The following ARMC8 variants were observed in gnomAD, a reference collection of about 807,000 sequenced individuals.
ARMC8 encodes armadillo repeat-containing protein 8.
A neutral mutation model predicts 99.3 loss-of-function variants in ARMC8; 20 were observed. That is an observed-to-expected ratio of 0.20 (90% CI 0.14 to 0.29). The LOEUF (loss-of-function observed/expected upper bound fraction) is 0.29, where lower values mean the gene tolerates loss of function less well. Among genes scored for constraint, ARMC8 ranks in the 10% least tolerant of loss-of-function variants. The pLI is 1.00. For missense variants in ARMC8, 569 were observed against 809.5 expected (o/e 0.70, Z 3.60); for synonymous variants, 263 against 278.3 (o/e 0.95, Z 0.55).
At chr3:138,241,181 C>G (rs757392646) in intron 10 of ARMC8, among the ~76,000 whole-genome samples, 1 of 152,204 alleles carries the variant, frequency 6.6e-6, no homozygotes, top group East Asian at 1.9e-4. Context: ...GATACCACTG[C>G]TAATTCCAGC....
intron 16 of ARMC8, among the ~76,000 whole-genome samples, chr3:138,272,746 G>A (rs944070515): frequency 3.9e-5 from 6 of 152,144 alleles, no homozygotes; most frequent in African/African-American, 1.2e-4. Flanking sequence ...GTGGTGGCTC[G>A]CGCCTGTACT....
chr3:138,228,516 A>C (rs1264613431), intron 5 of ARMC8, among the ~76,000 whole-genome samples: 1 of 152,236 alleles, frequency 6.6e-6, no homozygotes, highest in African/African-American at 2.4e-5. Flanking sequence ...CTCGGAGATC[A>C]AAATTTTCAA....
At chr3:138,210,009 C>T in intron 2 of ARMC8, 116 bp downstream of exon 2, 1 of 653,874 alleles carries the variant, frequency 1.5e-6, no homozygotes. Context: ...CATTTGGCTT[C>T]TTTCTAGAAA....
At position 138,296,058 on chromosome 3, in the gene ARMC8, A is replaced by AT; in HGVS notation, c.*173dup. 5.3e-6 allele frequency: 3 copies of AT among 566,706 alleles called. No individual in the cohort carries two copies. The highest frequency in any genetic ancestry group is 5.8e-6 in the Non-Finnish European group (2 of 344,236). The allele number at this position is 566,706 out of a possible 1,614,324, so 35.1% of individuals were successfully genotyped here. On this transcript the variant is annotated 3_prime_UTR_variant, in exon 22 of 22. Coordinates refer to ENST00000469044, the MANE Select transcript of ARMC8 (RefSeq NM_001363941.2). ...TAGATCTCAAATTCATCTTGAGAAC[A>AT]TTTTTTTGAGGTAGTAATTTCCTCA...
chr3:138,218,456 T>C (rs2045207207), intron 2 of ARMC8, among the ~76,000 whole-genome samples: 1 of 152,148 alleles, frequency 6.6e-6, no homozygotes, highest in African/African-American at 2.4e-5. Context: ...TCAGGCTCCT[T>C]GTATTGCCCC....
At chr3:138,239,253 T>C (rs2108164231) in intron 9 of ARMC8, 1 of 437,542 alleles carries the variant, frequency 2.3e-6, no homozygotes, top group Admixed American at 4.6e-5. Context: ...TTTTGTTTTT[T>C]TAAATATCTG....
intron 12 of ARMC8, among the ~76,000 whole-genome samples, chr3:138,250,371 C>T (rs955651907): frequency 3.9e-5 from 6 of 151,966 alleles, no homozygotes; most frequent in Non-Finnish European, 8.8e-5. Context: ...AGATGACCAA[C>T]ATTGAAGGTG....
At chr3:138,216,732 C>G (rs1229639701) in intron 2 of ARMC8, among the ~76,000 whole-genome samples, 5 of 152,078 alleles carry the variant, frequency 3.3e-5, no homozygotes, top group Middle Eastern at 3.2e-3. Context: ...ATAAGTAGAT[C>G]AAACTTTATA....
chr3:138,295,524 G>A (rs541597234), intron 21 of ARMC8, among the ~76,000 whole-genome samples: 40 of 152,332 alleles, frequency 2.6e-4, no homozygotes, highest in African/African-American at 9.4e-4. Context: ...AGTAAAGAAT[G>A]TAAGACCTAT....
intron 6 of ARMC8, among the ~76,000 whole-genome samples, chr3:138,230,403 C>T (rs908259913): frequency 2.8e-4 from 42 of 152,144 alleles, no homozygotes; most frequent in South Asian, 2.1e-4. Context: ...GTAATCTCAG[C>T]ACTTTGAGAG....
At chr3:138,247,887 T>G (rs557337890) in intron 12 of ARMC8, among the ~76,000 whole-genome samples, 8 of 152,350 alleles carry the variant, frequency 5.3e-5, no homozygotes, top group African/African-American at 1.9e-4. Flanking sequence ...TAACATTCCC[T>G]GGAACTTAAT....
At chr3:138,261,247 A>G (rs983875065) in intron 12 of ARMC8, among the ~76,000 whole-genome samples, 4 of 152,244 alleles carry the variant, frequency 2.6e-5, no homozygotes, top group African/African-American at 9.6e-5. Flanking sequence ...TATAAGGTAT[A>G]GTGCTAAGTA....
chr3:138,224,106 G>A (rs945324737), intron 5 of ARMC8, among the ~76,000 whole-genome samples: 4 of 151,752 alleles, frequency 2.6e-5, no homozygotes, highest in Non-Finnish European at 5.9e-5. Context: ...TTACAGGCGC[G>A]TGCCACCACA....
At chr3:138,277,474 G>C (rs978077394) in intron 18 of ARMC8, among the ~76,000 whole-genome samples, 1 of 152,144 alleles carries the variant, frequency 6.6e-6, no homozygotes, top group Non-Finnish European at 1.5e-5. Context: ...GCCATCCACC[G>C]GAAGGAATAT....
intron 19 of ARMC8, among the ~76,000 whole-genome samples, chr3:138,287,176 T>A (rs902420192): frequency 6.6e-6 from 1 of 152,236 alleles, no homozygotes; most frequent in Non-Finnish European, 1.5e-5. Flanking sequence ...CTCCACTGTT[T>A]AAATCTTTCA....
chr3:138,294,504 A>G (rs143886709), intron 21 of ARMC8, among the ~76,000 whole-genome samples: 26 of 152,338 alleles, frequency 1.7e-4, no homozygotes, highest in African/African-American at 6.3e-4. Context: ...GATGGATTGG[A>G]CTATTCACAA....
intron 11 of ARMC8, among the ~76,000 whole-genome samples, chr3:138,244,795 C>T (rs1029218674): frequency 1.3e-5 from 2 of 152,198 alleles, no homozygotes; most frequent in Non-Finnish European, 2.9e-5. Context: ...TTTAGGAACA[C>T]TGAATTTTTC....
intron 1 of ARMC8, among the ~76,000 whole-genome samples, chr3:138,197,175 C>T (rs527921291): frequency 2.0e-5 from 3 of 152,248 alleles, no homozygotes; most frequent in Non-Finnish European, 2.9e-5. Flanking sequence ...GCGATATTGC[C>T]GTGATTGTCA....
chr3:138,257,408 C>T (rs1028993583), intron 12 of ARMC8, among the ~76,000 whole-genome samples: 6 of 152,172 alleles, frequency 3.9e-5, no homozygotes, highest in Middle Eastern at 3.4e-3. Context: ...ATCCTGTGGT[C>T]GTCTTATAAA....
Sources: gnomAD v4.1 joint callset for allele counts (sites outside exome capture counted in the v4.1 genomes callset) on GRCh38, gnomAD v4.1.1 for gene constraint, MANE v1.5 for transcripts, NCBI Gene and HGNC (gene_info 2026-07-23, HGNC 2026-07-21) for gene names.